Variants in SHISA9 observed in about 807,000 individuals in gnomAD.
The protein encoded by SHISA9 is protein shisa-9.
A neutral mutation model predicts 38.0 loss-of-function variants in SHISA9; 13 were observed. The ratio of observed to expected loss-of-function variants is 0.34; its 90% CI spans 0.22 to 0.54. SHISA9 has a LOEUF of 0.54. Among genes scored for constraint, SHISA9 ranks in the 20% least tolerant of loss-of-function variants. The pLI, the probability that SHISA9 is intolerant of heterozygous loss-of-function variation, is 0.91. For synonymous variants in SHISA9, 275 were observed against 242.0 expected (o/e 1.14, Z -1.27); for missense variants, 538 against 575.8 (o/e 0.93, Z 0.67).
the SHISA9 span, among the ~76,000 whole-genome samples, chr16:13,413,214 A>G: frequency 1.3e-5 from 2 of 152,190 alleles, no homozygotes; most frequent in Admixed American, 6.5e-5. Flanking sequence ...TTCACATGGA[A>G]CTTGGAGAAA....
the SHISA9 span, among the ~76,000 whole-genome samples, chr16:13,344,941 G>A: frequency 2.0e-5 from 3 of 152,114 alleles, no homozygotes; most frequent in Non-Finnish European, 4.4e-5. Flanking sequence ...TCTACAGGTA[G>A]AGAACACTGA....
chr16:13,392,051 G>A, the SHISA9 span, among the ~76,000 whole-genome samples: 3 of 152,204 alleles, frequency 2.0e-5, no homozygotes, highest in Non-Finnish European at 4.4e-5. Context: ...CGTGTTGCCA[G>A]CTGAGGTGTG....
chr16:13,151,627 T>A (rs1171841858), intron 2 of SHISA9, among the ~76,000 whole-genome samples: 1 of 152,216 alleles, frequency 6.6e-6, no homozygotes, highest in Non-Finnish European at 1.5e-5. Context: ...CAAATTTACA[T>A]GAATTCATAA....
At chr16:13,167,336 T>C (rs556777834) in intron 2 of SHISA9, among the ~76,000 whole-genome samples, 25 of 152,292 alleles carry the variant, frequency 1.6e-4, no homozygotes, top group African/African-American at 4.3e-4. Context: ...CCTCCAAAAG[T>C]GCTGGGATCA....
At chr16:13,454,258 C>T in the SHISA9 span, among the ~76,000 whole-genome samples, 1 of 152,008 alleles carries the variant, frequency 6.6e-6, no homozygotes, top group South Asian at 2.1e-4. Context: ...GAAGGAGATA[C>T]TATGTCAATG....
chr16:13,522,395 C>T, the SHISA9 span, among the ~76,000 whole-genome samples: 1 of 152,098 alleles, frequency 6.6e-6, no homozygotes, highest in African/African-American at 2.4e-5. Flanking sequence ...TTTCCCCCAT[C>T]GGCCCCTCCC....
At chr16:13,485,122 C>G in the SHISA9 span, among the ~76,000 whole-genome samples, 2 of 151,930 alleles carry the variant, frequency 1.3e-5, no homozygotes, top group African/African-American at 4.8e-5. Flanking sequence ...TTTGCTGCAC[C>G]TATCAACCCG....
At chr16:13,525,501 T>A in the SHISA9 span, among the ~76,000 whole-genome samples, 1 of 152,206 alleles carries the variant, frequency 6.6e-6, no homozygotes, top group Non-Finnish European at 1.5e-5. Flanking sequence ...TGACATTTTA[T>A]TTACACTGGA....
chr16:13,169,968 C>T lies in SHISA9; in HGVS notation c.692-33426C>T, dbSNP rs1034449435. On this transcript the variant is annotated intron_variant, in intron 2 of 4. Coordinates refer to ENST00000558583, the MANE Select transcript of SHISA9 (RefSeq NM_001145204.3). Reference sequence around the variant, plus strand: ...CTATAATCCCAGCACTTTGGGAGGCCGAGGCAAGTGGATCACCTGAGGTCA... The same window carrying T: ...CTATAATCCCAGCACTTTGGGAGGCTGAGGCAAGTGGATCACCTGAGGTCA... Among the ~76,000 whole-genome samples the T allele has an allele frequency of 5.3e-5, 8 of 151,958 alleles. No homozygotes were observed. In the East Asian group the frequency reaches 1.4e-3, roughly 26 times the overall value.
intron 2 of SHISA9, among the ~76,000 whole-genome samples, chr16:13,116,035 T>A (rs962902161): frequency 1.3e-5 from 2 of 152,184 alleles, no homozygotes; most frequent in Non-Finnish European, 2.9e-5. Flanking sequence ...TCATTCTGCC[T>A]TATGATTGCG....
chr16:13,115,641 A>G (rs1280620201), intron 2 of SHISA9, among the ~76,000 whole-genome samples: 1 of 152,148 alleles, frequency 6.6e-6, no homozygotes, highest in Non-Finnish European at 1.5e-5. Context: ...CCAGTTTTGG[A>G]GCCAGTTTAT....
the SHISA9 span, among the ~76,000 whole-genome samples, chr16:13,513,924 C>T: frequency 6.6e-6 from 1 of 152,174 alleles, no homozygotes; most frequent in South Asian, 2.1e-4. Flanking sequence ...CAGCAAACCA[C>T]CATGGCACAT....
At chr16:13,108,965 C>T (rs536885441) in intron 2 of SHISA9, among the ~76,000 whole-genome samples, 1 of 152,108 alleles carries the variant, frequency 6.6e-6, no homozygotes, top group Non-Finnish European at 1.5e-5. Context: ...ATTGTTTTCT[C>T]CAGGGGTGTG....
At chr16:13,384,361 A>C in the SHISA9 span, among the ~76,000 whole-genome samples, 1 of 152,194 alleles carries the variant, frequency 6.6e-6, no homozygotes, top group Non-Finnish European at 1.5e-5. Flanking sequence ...ATCTTATAAA[A>C]TAGCTGTGGT....
At chr16:13,438,830 T>C in the SHISA9 span, among the ~76,000 whole-genome samples, 27,738 of 152,156 alleles carry the variant, frequency 0.18, 3,217 homozygotes, top group East Asian at 0.36. Context: ...AGGAAAAGAC[T>C]AAACGGCAAC....
chr16:13,345,820 G>A, the SHISA9 span, among the ~76,000 whole-genome samples: 2 of 152,078 alleles, frequency 1.3e-5, no homozygotes, highest in African/African-American at 2.4e-5. Flanking sequence ...ATATCTCATT[G>A]TGGTTTTGAT....
intron 2 of SHISA9, among the ~76,000 whole-genome samples, chr16:13,092,098 T>C (rs1228911495): frequency 6.6e-6 from 1 of 152,188 alleles, no homozygotes; most frequent in African/African-American, 2.4e-5. Context: ...GGAATTCCAC[T>C]CCAGACCCTG....
chr16:13,551,819 G>C, the SHISA9 span, among the ~76,000 whole-genome samples: 3 of 152,188 alleles, frequency 2.0e-5, no homozygotes, highest in Non-Finnish European at 4.4e-5. Flanking sequence ...ACGAGGTCAG[G>C]AGTTCAAGAC....
chr16:13,252,187 C>T, the SHISA9 span, among the ~76,000 whole-genome samples: 18 of 152,210 alleles, frequency 1.2e-4, no homozygotes, highest in African/African-American at 4.1e-4. Flanking sequence ...GTACTACTCA[C>T]CCCTTCACTC....
Sources: gnomAD v4.1 joint callset for allele counts (sites outside exome capture counted in the v4.1 genomes callset) on GRCh38, gnomAD v4.1.1 for gene constraint, MANE v1.5 for transcripts, NCBI Gene and HGNC (gene_info 2026-07-23, HGNC 2026-07-21) for gene names.